DNAJC1: variants seen among roughly 807,000 people sequenced by gnomAD.
DNAJC1 encodes the protein dnaJ homolog subfamily C member 1.
Under a neutral mutation model 76.6 loss-of-function variants are expected in DNAJC1, and 58 were observed. That is an observed-to-expected ratio of 0.76 (90% CI 0.61 to 0.94). The LOEUF is 0.94. DNAJC1 is among the 40% of genes least tolerant of loss of function. The pLI, the probability that DNAJC1 is intolerant of heterozygous loss-of-function variation, is 0.00. For synonymous variants in DNAJC1, 258 were observed against 267.9 expected, an observed-to-expected ratio of 0.96 and a Z score of 0.36; for missense variants, 689 against 677.3, an observed-to-expected ratio of 1.02 and a Z score of -0.19.
chr10:21,818,666 T>C (rs1416405482), intron 8 of DNAJC1, among the ~76,000 whole-genome samples: 2 of 152,168 alleles, frequency 1.3e-5, no homozygotes, highest in African/African-American at 4.8e-5. Flanking sequence ...TTTCTCAACC[T>C]GGCCGACGCT....
intron 1 of DNAJC1, among the ~76,000 whole-genome samples, chr10:21,941,319 T>G (rs1837408359): frequency 6.9e-6 from 1 of 145,454 alleles, no homozygotes; most frequent in South Asian, 2.2e-4. Flanking sequence ...ATGTCATGTA[T>G]GGAACTTGTA....
intron 3 of DNAJC1, among the ~76,000 whole-genome samples, chr10:21,925,149 C>A (rs1837106735): frequency 1.3e-5 from 2 of 152,000 alleles, no homozygotes; most frequent in African/African-American, 4.8e-5. Flanking sequence ...GTAGTTGGGA[C>A]TACAGGCATG....
chr10:22,002,401 C>A (rs1838533351), intron 1 of DNAJC1, among the ~76,000 whole-genome samples: 1 of 150,964 alleles, frequency 6.6e-6, no homozygotes, highest in African/African-American at 2.4e-5. Context: ...AATGGTAGAA[C>A]TAAAAAGCAA....
At chr10:21,760,966 G>A (rs1358678254) in intron 10 of DNAJC1, among the ~76,000 whole-genome samples, 1 of 152,090 alleles carries the variant, frequency 6.6e-6, no homozygotes, top group East Asian at 1.9e-4. Flanking sequence ...ATCACTTGAG[G>A]CCAGGAGTTC....
At chr10:21,892,082 C>T (rs1258390858) in intron 7 of DNAJC1, among the ~76,000 whole-genome samples, 1 of 151,830 alleles carries the variant, frequency 6.6e-6, no homozygotes, top group East Asian at 1.9e-4. Flanking sequence ...TAGCAAAAAT[C>T]TGACACCAGT....
intron 9 of DNAJC1, among the ~76,000 whole-genome samples, chr10:21,804,215 A>C (rs1246520248): frequency 6.6e-6 from 1 of 152,090 alleles, no homozygotes; most frequent in East Asian, 1.9e-4. Flanking sequence ...ATATTGCTTT[A>C]CTCAGTTTCC....
intron 9 of DNAJC1, among the ~76,000 whole-genome samples, chr10:21,802,181 G>A (rs1834821311): frequency 6.6e-6 from 1 of 152,108 alleles, no homozygotes; most frequent in South Asian, 2.1e-4. Flanking sequence ...AGGGAGAGGA[G>A]TATGAGATGT....
At chr10:21,820,158 A>G (rs1589995059) in intron 8 of DNAJC1, among the ~76,000 whole-genome samples, 2 of 152,160 alleles carry the variant, frequency 1.3e-5, no homozygotes, top group South Asian at 4.1e-4. Context: ...AGATTTCCCT[A>G]TTCTGGGCAT....
At chr10:21,819,855 A>C (rs1835128769) in intron 8 of DNAJC1, among the ~76,000 whole-genome samples, 1 of 152,172 alleles carries the variant, frequency 6.6e-6, no homozygotes, top group African/African-American at 2.4e-5. Flanking sequence ...GCTTGAGCCC[A>C]GGAGGCAGAG....
intron 1 of DNAJC1, among the ~76,000 whole-genome samples, chr10:22,002,764 G>A (rs915770306): frequency 1.3e-5 from 2 of 151,982 alleles, no homozygotes; most frequent in African/African-American, 2.4e-5. Context: ...ATAAGGATGA[G>A]GTAAGTATCG....
In DNAJC1 at chr10:21,759,303, T is replaced by C. The variant is rs1192168541; in HGVS notation, c.1463A>G (p.Glu488Gly). 1.9e-6 allele frequency: 3 copies of C among 1,614,106 alleles called. No individual in the cohort carries two copies. Among genetic ancestry groups the C allele is most frequent in the Admixed American group, 1.7e-5 (1 of 60,006 alleles). ...ESSDEESLRKERARSAEEPWT... is the reference protein window; with the variant it reads ...ESSDEESLRKGRARSAEEPWT... ...CGGCTCCTCTGCAGACCGAGCTCTC[T>C]CTTTTCTCAGGCTCTCCTCGTCGCT... Residue 488 changes from glutamate (E) to glycine (G), a missense_variant, in exon 11 of 12, where the codon GAG becomes GGG. Glu to Gly is a moderately conservative substitution (Grantham distance 98, BLOSUM62 -2). Coordinates refer to ENST00000376980, the MANE Select transcript of DNAJC1 (RefSeq NM_022365.4).
chr10:21,924,460 C>A (rs763471548), intron 3 of DNAJC1, among the ~76,000 whole-genome samples: 2 of 151,600 alleles, frequency 1.3e-5, no homozygotes, highest in Non-Finnish European at 2.9e-5. Flanking sequence ...GTTAAAAATT[C>A]GTAATAGATT....
rs1358884243 is a variant in DNAJC1 at position 21,816,787 on chromosome 10, C to T, written c.979-10688G>A. On this transcript the variant is annotated intron_variant, in intron 8 of 11. Coordinates refer to ENST00000376980, the MANE Select transcript of DNAJC1 (RefSeq NM_022365.4). ...GTCTCGATCTCCTGACCTCGTGATC[C>T]ACCCGCCTTGGCCTCCCAAAGTGCT... is the stretch of plus-strand genomic sequence containing the variant. Among the ~76,000 whole-genome samples the T allele has an allele frequency of 2.8e-5, 4 of 144,122 alleles. No individual in the cohort carries two copies. In the East Asian group the frequency reaches 9.0e-4, roughly 32 times the overall value. The allele number at this position is 144,122 out of a possible 152,430, so 94.5% of individuals were successfully genotyped here. A position where few individuals can be genotyped will look rare whatever the true frequency, so the allele number is the denominator to read the frequency against.
intron 8 of DNAJC1, among the ~76,000 whole-genome samples, chr10:21,839,583 A>G (rs1835535186): frequency 6.6e-6 from 1 of 152,220 alleles, no homozygotes; most frequent in African/African-American, 2.4e-5. Flanking sequence ...GACCAATAAC[A>G]GGCTCTGAAA....
In DNAJC1 at chr10:21,759,297, G is replaced by A. The variant is rs1222434771; in HGVS notation, c.1469C>T (p.Ala490Val). ...SDEESLRKER[A>V]RSAEEPWTQN... is the part of the protein sequence containing the mutation. ...AGTCCACGGCTCCTCTGCAGACCGA[G>A]CTCTCTCTTTTCTCAGGCTCTCCTC... is the stretch of plus-strand genomic sequence containing the variant. Residue 490 changes from alanine (A) to valine (V), a missense_variant, in exon 11 of 12, where the codon GCT (alanine) becomes GTT (valine). Ala to Val is a moderately conservative substitution (Grantham distance 64). Transcript: ENST00000376980. 1.9e-6 allele frequency: 3 copies of A among 1,614,222 alleles called. No homozygotes were observed. The highest frequency in any genetic ancestry group is 3.3e-5 in the Admixed American group (2 of 60,018).
intron 6 of DNAJC1, among the ~76,000 whole-genome samples, chr10:21,918,397 A>G (rs1836988509): frequency 6.9e-6 from 1 of 144,626 alleles, no homozygotes; most frequent in Non-Finnish European, 1.5e-5. Flanking sequence ...TTTTTTTAAC[A>G]CTATGTACTT....
intron 1 of DNAJC1, among the ~76,000 whole-genome samples, chr10:21,952,520 A>G (rs1255925429): frequency 6.6e-6 from 1 of 152,180 alleles, no homozygotes; most frequent in East Asian, 1.9e-4. Context: ...CACTTTGGGA[A>G]GCAGACGCAG....
chr10:21,946,176 G>A (rs756546156), intron 1 of DNAJC1, among the ~76,000 whole-genome samples: 68 of 150,998 alleles, frequency 4.5e-4, no homozygotes, highest in Non-Finnish European at 7.7e-4. Flanking sequence ...GAGTAGCTGG[G>A]ACTACAGGTG....
At chr10:21,799,489 A>T (rs1463447837) in intron 9 of DNAJC1, among the ~76,000 whole-genome samples, 1 of 152,022 alleles carries the variant, frequency 6.6e-6, no homozygotes, top group African/African-American at 2.4e-5. Flanking sequence ...TCTTGTAAAG[A>T]TGAAGGTTTC....
Sources: gnomAD v4.1 joint callset for allele counts (sites outside exome capture counted in the v4.1 genomes callset) on GRCh38, gnomAD v4.1.1 for gene constraint, MANE v1.5 for transcripts, NCBI Gene and HGNC (gene_info 2026-07-23, HGNC 2026-07-21) for gene names.